CCSER1: variants seen among roughly 807,000 people sequenced by gnomAD.
The protein encoded by CCSER1 is serine-rich coiled-coil domain-containing protein 1.
A neutral mutation model predicts 82.0 loss-of-function variants in CCSER1; 41 were observed. The observed-to-expected ratio is 0.50, with a 90% confidence interval of 0.39 to 0.65. CCSER1 has a LOEUF of 0.65. CCSER1 is among the 30% of genes least tolerant of loss of function. CCSER1 has a pLI of 0.00. For synonymous variants in CCSER1, 414 were observed against 383.9 expected (o/e 1.08, Z -0.92); for missense variants, 1,119 against 1,064.2 (o/e 1.05, Z -0.72).
chr4:90,230,033 C>T (rs1190610587), intron 1 of CCSER1, among the ~76,000 whole-genome samples: 1 of 152,142 alleles, frequency 6.6e-6, no homozygotes, highest in Non-Finnish European at 1.5e-5. Flanking sequence ...GAGACTTTAA[C>T]ACCCCACTGT....
intron 10 of CCSER1, among the ~76,000 whole-genome samples, chr4:91,560,141 G>A (rs979872380): frequency 1.3e-5 from 2 of 151,254 alleles, no homozygotes; most frequent in African/African-American, 4.8e-5. Flanking sequence ...TGAAAAAAAA[G>A]TCCCATTTTC....
Position 91,598,584 on chromosome 4 carries a change from A to C in CCSER1, c.2230A>C (p.Asn744His). The C allele has an allele frequency of 6.5e-7, 1 of 1,548,478 alleles. No individual in the cohort carries two copies. Among genetic ancestry groups the C allele is most frequent in the South Asian group, 1.2e-5 (1 of 83,994 alleles). Residue 744 changes from asparagine (N) to histidine (H), a missense_variant, in exon 11 of 11, where the codon AAT becomes CAT. Coordinates refer to ENST00000509176, the MANE Select transcript of CCSER1 (RefSeq NM_001145065.2). ...VQGGREATYR[N>H]RIVSQNLSTR... ...TGTCTTACCATAGGCTACATATCGA[A>C]ATCGAATTGTGAGCCAAAATCTCAG...
chr4:91,316,574 T>C (rs1199267475), intron 10 of CCSER1, among the ~76,000 whole-genome samples: 2 of 152,010 alleles, frequency 1.3e-5, no homozygotes, highest in Non-Finnish European at 2.9e-5. Context: ...CTCTTGGACA[T>C]CTTGAAATTA....
At chr4:91,497,236 G>T (rs1217938805) in intron 10 of CCSER1, among the ~76,000 whole-genome samples, 4 of 151,312 alleles carry the variant, frequency 2.6e-5, no homozygotes, top group Non-Finnish European at 4.4e-5. Context: ...CTCATGAAGC[G>T]GTTTTGAAAA....
At chr4:90,495,495 A>G (rs1323030836) in intron 5 of CCSER1, among the ~76,000 whole-genome samples, 2 of 152,156 alleles carry the variant, frequency 1.3e-5, no homozygotes, top group Non-Finnish European at 2.9e-5. Context: ...CTTCATTCTT[A>G]TAGACGACTG....
At chr4:91,296,311 A>G (rs879038776) in intron 10 of CCSER1, among the ~76,000 whole-genome samples, 1 of 151,328 alleles carries the variant, frequency 6.6e-6, no homozygotes, top group African/African-American at 2.4e-5. Context: ...CATAACCTTA[A>G]AGGGAGGGAG....
At chr4:91,377,989 C>A (rs1750559736) in intron 10 of CCSER1, among the ~76,000 whole-genome samples, 1 of 152,154 alleles carries the variant, frequency 6.6e-6, no homozygotes, top group South Asian at 2.1e-4. Context: ...TTTCCAAGCA[C>A]CATTTATTAA....
In CCSER1 at chr4:91,599,508, G is replaced by GA. The variant is rs1159162274; in HGVS notation, c.*457dup. On this transcript the variant is annotated 3_prime_UTR_variant, in exon 11 of 11. Coordinates refer to ENST00000509176, the MANE Select transcript of CCSER1 (RefSeq NM_001145065.2). ...TAAATTATATAATTAATAGAAGGAG[G>GA]AAAAAAGAGAAATGTTAACGTCTTA... The GA allele has an allele frequency of 1.3e-5, 2 of 151,312 alleles. No homozygotes were observed. The highest frequency in any genetic ancestry group is 2.9e-5 in the Non-Finnish European group (2 of 67,900). 9.4% of individuals were successfully genotyped at this position (151,312 alleles called of 1,614,324 possible).
At chr4:90,796,636 C>G (rs948733715) in intron 7 of CCSER1, among the ~76,000 whole-genome samples, 1 of 152,016 alleles carries the variant, frequency 6.6e-6, no homozygotes, top group African/African-American at 2.4e-5. Context: ...ATAATTTTCC[C>G]TCTTAACACC....
intron 10 of CCSER1, among the ~76,000 whole-genome samples, chr4:91,144,848 TA>T (rs1186396103): frequency 6.6e-6 from 1 of 152,094 alleles, no homozygotes; most frequent in East Asian, 1.9e-4. Flanking sequence ...TTTTGATTTT[TA>T]AAAAATTTGT....
At chr4:90,527,385 C>T (rs1447059673) in intron 5 of CCSER1, among the ~76,000 whole-genome samples, 1 of 152,100 alleles carries the variant, frequency 6.6e-6, no homozygotes, top group African/African-American at 2.4e-5. Context: ...CAAATTAAAA[C>T]CACAATGAGA....
intron 10 of CCSER1, among the ~76,000 whole-genome samples, chr4:91,312,866 T>A (rs1380866668): frequency 6.6e-6 from 1 of 151,978 alleles, no homozygotes; most frequent in Admixed American, 6.6e-5. Context: ...GATAAATAAC[T>A]AAATAAATTT....
chr4:91,466,876 C>T (rs1473769624), intron 10 of CCSER1, among the ~76,000 whole-genome samples: 1 of 152,176 alleles, frequency 6.6e-6, no homozygotes, highest in African/African-American at 2.4e-5. Context: ...AATGGAAGAA[C>T]ATTCCATGCT....
At chr4:90,826,476 A>C (rs1760467161) in intron 8 of CCSER1, among the ~76,000 whole-genome samples, 1 of 152,236 alleles carries the variant, frequency 6.6e-6, no homozygotes, top group Non-Finnish European at 1.5e-5. Flanking sequence ...ATAGGCTTAC[A>C]TAATTTTAAT....
At chr4:90,200,305 A>G (rs115381527) in intron 1 of CCSER1, among the ~76,000 whole-genome samples, 1,923 of 152,156 alleles carry the variant, frequency 0.013, 47 homozygotes, top group African/African-American at 0.041. Context: ...TCTAAATTCT[A>G]CTGAGGATTA....
At chr4:91,022,409 T>C (rs1248387353) in intron 9 of CCSER1, among the ~76,000 whole-genome samples, 2 of 152,106 alleles carry the variant, frequency 1.3e-5, no homozygotes, top group African/African-American at 4.8e-5. Flanking sequence ...CAGTCTACCA[T>C]TGTTGGACAT....
At chr4:91,276,948 A>G (rs1310963224) in intron 10 of CCSER1, among the ~76,000 whole-genome samples, 2 of 152,102 alleles carry the variant, frequency 1.3e-5, no homozygotes, top group Non-Finnish European at 2.9e-5. Flanking sequence ...GAGGTGATAC[A>G]TGACATTTAT....
chr4:90,956,649 T>C (rs1733461113), intron 9 of CCSER1, among the ~76,000 whole-genome samples: 1 of 152,164 alleles, frequency 6.6e-6, no homozygotes, highest in Non-Finnish European at 1.5e-5. Context: ...GAGAGAAATA[T>C]GTAAATAAGC....
chr4:90,263,920 A>G (rs1472342509), intron 1 of CCSER1, among the ~76,000 whole-genome samples: 2 of 152,068 alleles, frequency 1.3e-5, no homozygotes, highest in African/African-American at 4.8e-5. Flanking sequence ...GCCACCGCCA[A>G]CCCTCACAGG....
Sources: gnomAD v4.1 joint callset for allele counts (sites outside exome capture counted in the v4.1 genomes callset) on GRCh38, gnomAD v4.1.1 for gene constraint, MANE v1.5 for transcripts, NCBI Gene and HGNC (gene_info 2026-07-23, HGNC 2026-07-21) for gene names.